The following SHC3 variants were observed in gnomAD, a reference collection of about 807,000 sequenced individuals.
The protein encoded by SHC3 is SHC adaptor protein 3, also known as SHC-transforming protein 3.
SHC3 carries 15 observed loss-of-function variants against 60.4 expected under a neutral mutation model. The ratio of observed to expected loss-of-function variants is 0.25; its 90% confidence interval spans 0.17 to 0.38. The LOEUF (loss-of-function observed/expected upper bound fraction) is 0.38. SHC3 is among the 10% of genes least tolerant of loss of function. The pLI, the probability that SHC3 is intolerant of heterozygous loss-of-function variation, is 1.00. For synonymous variants in SHC3, 294 were observed against 325.9 expected, an observed-to-expected ratio of 0.90 and a Z score of 1.05; for missense variants, 677 against 786.1, an observed-to-expected ratio of 0.86 and a Z score of 1.66.
chr9:89,128,468 C>A (rs977811700), intron 1 of SHC3, among the ~76,000 whole-genome samples: 1 of 152,166 alleles, frequency 6.6e-6, no homozygotes, highest in Non-Finnish European at 1.5e-5. Flanking sequence ...GGTCCCTGAT[C>A]CCTGAGCAGC....
At chr9:89,049,304 G>A (rs1239905502) in intron 7 of SHC3, among the ~76,000 whole-genome samples, 1 of 151,658 alleles carries the variant, frequency 6.6e-6, no homozygotes, top group African/African-American at 2.4e-5. Context: ...AACCAGAAAT[G>A]ATATGCCAAT....
chr9:89,039,173 C>T (rs1824633229), intron 10 of SHC3, among the ~76,000 whole-genome samples: 1 of 152,220 alleles, frequency 6.6e-6, no homozygotes. Context: ...CATACACATA[C>T]ATACAACATA....
chr9:89,039,182 T>A (rs572965430), intron 10 of SHC3, among the ~76,000 whole-genome samples: 1 of 152,288 alleles, frequency 6.6e-6, no homozygotes, highest in East Asian at 1.9e-4. Flanking sequence ...ACATACAACA[T>A]AAGCAGCACA....
rs1399583615 is a variant in SHC3, at chr9:89,008,957, A to G, written c.*4490T>C. ...TCCTTCTGGAGGAACCCCAACTAAG[A>G]GGAAGTAGAAACACTGTCTCTCCCA... On this transcript the variant is annotated 3_prime_UTR_variant, in exon 12 of 12. Coordinates refer to ENST00000375835, the MANE Select transcript of SHC3 (RefSeq NM_016848.6). 2 of 152,224 alleles carry G rather than the reference A, an allele frequency of 1.3e-5. No individual in the cohort carries two copies. The highest frequency in any genetic ancestry group is 4.8e-5 in the African/African-American group (2 of 41,442). The allele number at this position is 152,224 out of a possible 1,614,324, so 9.4% of individuals were successfully genotyped here. A position where few individuals can be genotyped will look rare whatever the true frequency, so the allele number is the denominator to read the frequency against.
chr9:89,122,800 TG>T (rs1001768047), intron 1 of SHC3, among the ~76,000 whole-genome samples: 2 of 151,808 alleles, frequency 1.3e-5, no homozygotes, highest in African/African-American at 4.8e-5. Context: ...GGGAGTCAGG[TG>T]GGGGAGTAGG....
At chr9:89,097,578 G>A (rs762031683) in intron 2 of SHC3, among the ~76,000 whole-genome samples, 20 of 152,192 alleles carry the variant, frequency 1.3e-4, no homozygotes, top group Non-Finnish European at 2.6e-4. Context: ...CATCTTCTGA[G>A]CTGGTGCTCT....
chr9:89,067,289 T>C (rs967407817), intron 5 of SHC3, among the ~76,000 whole-genome samples: 3 of 152,244 alleles, frequency 2.0e-5, no homozygotes, highest in Non-Finnish European at 2.9e-5. Flanking sequence ...GCATCTAAGA[T>C]AGCACTAGAT....
intron 1 of SHC3, among the ~76,000 whole-genome samples, chr9:89,144,788 T>C (rs1826443709): frequency 6.6e-6 from 1 of 151,576 alleles, no homozygotes; most frequent in Admixed American, 6.6e-5. Context: ...AATTATGTCA[T>C]GAGCCTTTTT....
chr9:89,069,230 A>T (rs1825231767), intron 5 of SHC3, among the ~76,000 whole-genome samples: 1 of 152,084 alleles, frequency 6.6e-6, no homozygotes, highest in South Asian at 2.1e-4. Context: ...GATCACTTAA[A>T]CCTGGGAGGT....
intron 1 of SHC3, among the ~76,000 whole-genome samples, chr9:89,146,807 G>A (rs935534857): frequency 1.3e-5 from 2 of 152,210 alleles, no homozygotes; most frequent in Non-Finnish European, 2.9e-5. Context: ...GTGTGGTTGA[G>A]GATGTGGAGT....
chr9:89,043,590 G>A (rs1016354519), intron 9 of SHC3, among the ~76,000 whole-genome samples: 1 of 152,094 alleles, frequency 6.6e-6, no homozygotes, highest in Non-Finnish European at 1.5e-5. Flanking sequence ...ATTAGGGACA[G>A]TATCTGCCAG....
At position 89,038,861 on chromosome 9, in the gene SHC3, C is replaced by T. The variant is rs144251535; in HGVS notation, c.1361-573G>A. ...GACTTGCCCCAGGCTAGGAGCTCCACCTTCCCTTAACCTTCACTTGTTTCC... is the reference window on the plus strand; with the variant it reads ...GACTTGCCCCAGGCTAGGAGCTCCATCTTCCCTTAACCTTCACTTGTTTCC... On this transcript the variant is annotated intron_variant, in intron 10 of 11. Transcript: ENST00000375835. Among the ~76,000 whole-genome samples the T allele has an allele frequency of 1.2e-3, 189 of 152,350 alleles. 1 individual carries two copies. Among genetic ancestry groups the T allele is most frequent in the African/African-American group, 4.4e-3 (184 of 41,580 alleles).
chr9:89,033,041 T>G (rs926778584), intron 11 of SHC3, among the ~76,000 whole-genome samples: 3 of 144,120 alleles, frequency 2.1e-5, no homozygotes, highest in African/African-American at 7.6e-5. Flanking sequence ...GAACAGTCAT[T>G]AGTAGGTATG....
intron 2 of SHC3, among the ~76,000 whole-genome samples, chr9:89,095,491 A>C (rs781199858): frequency 6.6e-6 from 1 of 152,106 alleles, no homozygotes; most frequent in African/African-American, 2.4e-5. Flanking sequence ...ATGGGGACAG[A>C]GTTTCAGTTT....
chr9:89,030,849 C>G (rs1288031950), intron 11 of SHC3, among the ~76,000 whole-genome samples: 1 of 152,164 alleles, frequency 6.6e-6, no homozygotes, highest in East Asian at 1.9e-4. Flanking sequence ...TGGAATACCC[C>G]ACCTTATGAT....
intron 2 of SHC3, among the ~76,000 whole-genome samples, 187 bp downstream of exon 2, chr9:89,112,369 A>C (rs560133576): frequency 1.6e-4 from 24 of 152,332 alleles, no homozygotes; most frequent in African/African-American, 5.8e-4. Flanking sequence ...ACTTTGGTTG[A>C]GAGATATACA....
At chr9:89,019,414 C>G (rs192398831) in intron 11 of SHC3, among the ~76,000 whole-genome samples, 19 of 151,212 alleles carry the variant, frequency 1.3e-4, no homozygotes, top group Admixed American at 4.0e-4. Flanking sequence ...AAAAGTAAGA[C>G]AGTAAGATAG....
intron 2 of SHC3, among the ~76,000 whole-genome samples, chr9:89,098,167 A>G (rs2118074873): frequency 6.6e-6 from 1 of 152,336 alleles, no homozygotes; most frequent in East Asian, 1.9e-4. Flanking sequence ...TAAAGTAACT[A>G]GCATGCACTC....
intron 1 of SHC3, among the ~76,000 whole-genome samples, chr9:89,135,172 C>G (rs1960749): frequency 6.6e-6 from 1 of 152,072 alleles, no homozygotes; most frequent in African/African-American, 2.4e-5. Context: ...TTGACTCAAA[C>G]GGTGTGCTTT....
Sources: gnomAD v4.1 joint callset for allele counts (sites outside exome capture counted in the v4.1 genomes callset) on GRCh38, gnomAD v4.1.1 for gene constraint, MANE v1.5 for transcripts, NCBI Gene and HGNC (gene_info 2026-07-23, HGNC 2026-07-21) for gene names.